The following HNRNPUL1 variants were observed in gnomAD, a reference collection of about 807,000 sequenced individuals.
HNRNPUL1 encodes the protein heterogeneous nuclear ribonucleoprotein U-like protein 1.
A neutral mutation model predicts 108.5 loss-of-function variants in HNRNPUL1; 14 were observed. The observed-to-expected ratio is 0.13, with a 90% confidence interval of 0.09 to 0.20. The LOEUF is 0.20. HNRNPUL1 is among the 10% of genes least tolerant of loss of function. The pLI, the probability that HNRNPUL1 is intolerant of heterozygous loss-of-function variation, is 1.00. For missense variants in HNRNPUL1, 804 were observed against 1,168.3 expected (o/e 0.69, Z 4.55); for synonymous variants, 422 against 445.2 (o/e 0.95, Z 0.66).
chr19:41,274,954 T>C (rs986081343), intron 4 of HNRNPUL1, among the ~76,000 whole-genome samples: 2 of 152,068 alleles, frequency 1.3e-5, no homozygotes, highest in African/African-American at 4.8e-5. Context: ...GAAATGCAAA[T>C]GTACAGATCA....
At chr19:41,302,563 TTCTCCC>T in intron 11 of HNRNPUL1, 96 bp from the exon 12 acceptor site, 1 of 1,424,964 alleles carries the variant, frequency 7.0e-7, no homozygotes, top group Middle Eastern at 1.8e-4. Flanking sequence ...TTTCTTCACC[TTCTCCC>T]TTCTGGAAGG....
chr19:41,302,859 C>A lies in HNRNPUL1; in HGVS notation c.1882C>A (p.Arg628Ser). 2 of 1,576,986 alleles carry A rather than the reference C, an allele frequency of 1.3e-6. No individual in the cohort carries two copies. The highest frequency in any genetic ancestry group is 1.7e-6 in the Non-Finnish European group (2 of 1,160,532). ...RGRGGGGGFQ[R>S]YENRGPPGGN... The stretch of plus-strand genomic sequence containing the variant: ...CCGCGGGGGTGGTGGTGGCTTCCAG[C>A]GCTATGAAAACCGAGGACCCCCTGG... The change falls in exon 12 of 15, where the codon CGC (arginine) becomes AGC (serine). Residue 628 changes from arginine to serine, a missense_variant. This residue lies in a region of HNRNPUL1 where 294 missense variants were observed against 388.3 expected (regional missense o/e 0.76). Coordinates refer to ENST00000392006, the MANE Select transcript of HNRNPUL1 (RefSeq NM_007040.6).
intron 12 of HNRNPUL1, among the ~76,000 whole-genome samples, chr19:41,303,316 G>A (rs1298222826): frequency 2.0e-5 from 3 of 150,616 alleles, no homozygotes; most frequent in African/African-American, 7.3e-5. Context: ...GATGTGACTC[G>A]TTCATGGCTG....
At chr19:41,266,801 G>C (rs1455568195) in intron 1 of HNRNPUL1, among the ~76,000 whole-genome samples, 2 of 152,232 alleles carry the variant, frequency 1.3e-5, no homozygotes, top group African/African-American at 2.4e-5. Context: ...GAATTTCCCG[G>C]AGGGAGGAGT....
intron 10 of HNRNPUL1, among the ~76,000 whole-genome samples, chr19:41,300,111 C>A (rs541613841): frequency 4.3e-4 from 65 of 152,252 alleles, no homozygotes; most frequent in African/African-American, 1.4e-3. Flanking sequence ...TGGAGGCCAC[C>A]TGTGTCCCCC....
intron 11 of HNRNPUL1, among the ~76,000 whole-genome samples, chr19:41,302,148 T>C (rs1043073649): frequency 4.6e-5 from 7 of 151,938 alleles, no homozygotes; most frequent in African/African-American, 1.7e-4. Flanking sequence ...GAGGAGTCTT[T>C]GTTAGCCCCT....
intron 2 of HNRNPUL1, among the ~76,000 whole-genome samples, chr19:41,271,235 C>T (rs570954960): frequency 2.6e-5 from 4 of 152,228 alleles, no homozygotes; most frequent in East Asian, 3.9e-4. Context: ...TAGGTTAAAC[C>T]GCAGATTTGT....
intron 10 of HNRNPUL1, among the ~76,000 whole-genome samples, chr19:41,301,138 T>C (rs2037187246): frequency 6.6e-6 from 1 of 152,214 alleles, no homozygotes; most frequent in African/African-American, 2.4e-5. Flanking sequence ...TCATTCTCTC[T>C]GGGAAGTAGG....
chr19:41,280,868 C>G, intron 6 of HNRNPUL1: 1 of 322,422 alleles, frequency 3.1e-6, no homozygotes, highest in East Asian at 6.2e-5. Flanking sequence ...CATTCTCCTC[C>G]ATCCCAACTC....
At chr19:41,300,560 C>T (rs2122932133) in intron 10 of HNRNPUL1, among the ~76,000 whole-genome samples, 1 of 152,262 alleles carries the variant, frequency 6.6e-6, no homozygotes, top group East Asian at 1.9e-4. Context: ...GAGCTGCTCA[C>T]TTTTTAAGTA....
intron 7 of HNRNPUL1, among the ~76,000 whole-genome samples, chr19:41,284,481 C>A (rs1049418136): frequency 4.6e-5 from 7 of 151,778 alleles, no homozygotes; most frequent in Non-Finnish European, 1.0e-4. Flanking sequence ...GCTTGGGCAT[C>A]ATGGTGAAAA....
At chr19:41,283,453 G>A (rs1298312523) in intron 7 of HNRNPUL1, among the ~76,000 whole-genome samples, 2 of 151,828 alleles carry the variant, frequency 1.3e-5, no homozygotes, top group Non-Finnish European at 2.9e-5. Context: ...GCTAATTATT[G>A]TTTTTTGTTT....
At chr19:41,263,971 G>T (rs530316145), upstream of HNRNPUL1, among the ~76,000 whole-genome samples, 1 of 152,222 alleles carries the variant, frequency 6.6e-6, no homozygotes, top group African/African-American at 2.4e-5. Flanking sequence ...GGCGGGAGAT[G>T]TACACCAATC....
At chr19:41,306,075 G>A (rs1384332453) in intron 14 of HNRNPUL1, among the ~76,000 whole-genome samples, 2 of 152,196 alleles carry the variant, frequency 1.3e-5, no homozygotes, top group African/African-American at 4.8e-5. Flanking sequence ...CCACAGTCTA[G>A]CAAGTGAAGG....
At chr19:41,282,520 G>T (rs1025228570) in intron 7 of HNRNPUL1, among the ~76,000 whole-genome samples, 4 of 151,736 alleles carry the variant, frequency 2.6e-5, no homozygotes, top group Admixed American at 1.3e-4. Context: ...ATTCAAACTC[G>T]GAAAAGCTTG....
rs2122850992 is a variant in HNRNPUL1 at position 41,294,681 on chromosome 19, G to C, written c.1513G>C (p.Asp505His). ...AARKKRNYIL[D>H]QTNVYGSAQR... ...CCGCAAGAAACGCAACTATATCCTA[G>C]ATCAGGTACTTAATGATGACCATTG... The change falls in exon 10 of 15, where the codon GAT becomes CAT. Residue 505 changes from aspartate to histidine, a missense_variant. This residue lies in a region of HNRNPUL1 where 80 missense variants were observed against 221.8 expected (regional missense o/e 0.36). Coordinates refer to ENST00000392006, the MANE Select transcript of HNRNPUL1 (RefSeq NM_007040.6). This position sits in a 1 kb window ranked among gnomAD's most constrained non-coding sequence, Gnocchi z 4.3. 1 of 1,614,146 alleles carries C rather than the reference G, an allele frequency of 6.2e-7. No homozygotes were observed. The highest frequency in any genetic ancestry group is 8.5e-7 in the Non-Finnish European group (1 of 1,180,024).
At chr19:41,286,184 C>CTT (rs140121122) in intron 7 of HNRNPUL1, among the ~76,000 whole-genome samples, 2 of 143,424 alleles carry the variant, frequency 1.4e-5, no homozygotes, top group Admixed American at 7.0e-5. Context: ...CTAACTTTTC[C>CTT]TTTTTTTTTT....
intron 2 of HNRNPUL1, 28 bp downstream of exon 2, chr19:41,268,373 T>C: frequency 1.2e-6 from 2 of 1,608,820 alleles, no homozygotes; most frequent in East Asian, 4.5e-5. Context: ...GTTCATCTCT[T>C]TGGATGGAAA....
At chr19:41,299,020 T>C (rs975184053) in intron 10 of HNRNPUL1, 1 of 152,204 alleles carries the variant, frequency 6.6e-6, no homozygotes, top group Non-Finnish European at 1.5e-5. Context: ...TATATTTAGC[T>C]GAGGAAGCCA....
Sources: allele counts gnomAD v4.1 joint callset (sites outside exome capture counted in the v4.1 genomes callset), GRCh38; gene constraint gnomAD v4.1.1; regional missense constraint gnomAD v4.1.1; non-coding constraint Gnocchi (gnomAD v3.1); transcripts MANE v1.5; gene names NCBI Gene and HGNC (gene_info 2026-07-23, HGNC 2026-07-21).